FAM163A: variants seen among roughly 807,000 people sequenced by gnomAD.
FAM163A encodes family with sequence similarity 163 member A, also known as protein FAM163A.
In FAM163A, 7 loss-of-function variants were observed where a neutral mutation model predicts 12.0. The observed-to-expected ratio is 0.58, with a 90% confidence interval of 0.33 to 1.10. FAM163A has a LOEUF of 1.10. Ranked by LOEUF, FAM163A falls within the 50% of genes least tolerant of loss-of-function variation. The probability of loss-of-function intolerance (pLI) is 0.03; values close to 1 mark genes in which losing one functional copy is unlikely to be tolerated. For missense variants in FAM163A, 202 were observed against 218.6 expected (o/e 0.92, Z 0.48); for synonymous variants, 101 against 91.0 (o/e 1.11, Z -0.62).
At chr1:179,782,788 C>T (rs1383675292) in intron 1 of FAM163A, among the ~76,000 whole-genome samples, 1 of 152,210 alleles carries the variant, frequency 6.6e-6, no homozygotes, top group East Asian at 1.9e-4. Context: ...GCTGAGAAAA[C>T]TTGTCTGAGA....
intron 1 of FAM163A, among the ~76,000 whole-genome samples, chr1:179,749,552 T>C (rs1411775273): frequency 3.3e-5 from 5 of 152,172 alleles, no homozygotes; most frequent in Non-Finnish European, 7.3e-5. Context: ...TATTCATATA[T>C]TAAAATAACT....
At chr1:179,733,147 G>A in the FAM163A span, among the ~76,000 whole-genome samples, 2 of 152,112 alleles carry the variant, frequency 1.3e-5, no homozygotes, top group Non-Finnish European at 2.9e-5. Context: ...TATGCTTAGG[G>A]CATGGTGCCT....
chr1:179,758,572 T>A (rs1257053393), intron 1 of FAM163A, among the ~76,000 whole-genome samples: 1 of 152,202 alleles, frequency 6.6e-6, no homozygotes, highest in East Asian at 1.9e-4. Context: ...AGCTTCTTTG[T>A]CCACACAGAC....
chr1:179,735,122 C>T, the FAM163A span, among the ~76,000 whole-genome samples: 1 of 152,134 alleles, frequency 6.6e-6, no homozygotes, highest in African/African-American at 2.4e-5. Flanking sequence ...GCAGTTTTCA[C>T]TCAAAATAAG....
At chr1:179,789,484 G>A (rs1361878049) in intron 1 of FAM163A, among the ~76,000 whole-genome samples, 2 of 152,200 alleles carry the variant, frequency 1.3e-5, no homozygotes, top group Non-Finnish European at 2.9e-5. Context: ...CCCCGGCAGG[G>A]ATCAGATTCT....
chr1:179,745,327 A>G (rs1446748038), intron 1 of FAM163A, among the ~76,000 whole-genome samples: 2 of 150,988 alleles, frequency 1.3e-5, no homozygotes, highest in African/African-American at 2.5e-5. Flanking sequence ...GTTTGGCCCA[A>G]GAATCTCTGT....
At chr1:179,762,615 G>A (rs866218010) in intron 1 of FAM163A, among the ~76,000 whole-genome samples, 64 of 152,342 alleles carry the variant, frequency 4.2e-4, no homozygotes, top group African/African-American at 1.5e-3. Flanking sequence ...ATCAAGTGAA[G>A]AGCTGGTTTT....
chr1:179,792,804 G>A (rs973242652), intron 1 of FAM163A, among the ~76,000 whole-genome samples: 6 of 151,972 alleles, frequency 3.9e-5, no homozygotes, highest in African/African-American at 1.5e-4. Flanking sequence ...CTTTGTATTT[G>A]GTGCTGAGAT....
intron 1 of FAM163A, among the ~76,000 whole-genome samples, chr1:179,776,175 C>A (rs995417833): frequency 1.3e-5 from 2 of 152,058 alleles, no homozygotes; most frequent in Non-Finnish European, 2.9e-5. Flanking sequence ...CAGTGTAAAT[C>A]GTGGCCAGGA....
chr1:179,778,942 A>G (rs1246083683), intron 1 of FAM163A, among the ~76,000 whole-genome samples: 3 of 152,302 alleles, frequency 2.0e-5, no homozygotes, highest in South Asian at 2.1e-4. Flanking sequence ...AGGGAGGTTC[A>G]TAAGGAGAGG....
intron 1 of FAM163A, among the ~76,000 whole-genome samples, chr1:179,793,863 G>A (rs1489580237): frequency 2.6e-5 from 4 of 152,192 alleles, no homozygotes; most frequent in East Asian, 3.8e-4. Context: ...GGCTGTTGCC[G>A]GCCCAGGGCT....
chr1:179,747,622 T>C (rs1684677359), intron 1 of FAM163A, among the ~76,000 whole-genome samples: 1 of 152,190 alleles, frequency 6.6e-6, no homozygotes, highest in Admixed American at 6.5e-5. Flanking sequence ...CCCAGGCTCT[T>C]TGGTATCAAG....
At position 179,772,081 on chromosome 1, in the gene FAM163A, T is replaced by C. The variant is rs113698714; in HGVS notation, c.-136+28658T>C. 7.4e-4 allele frequency among the ~76,000 whole-genome samples: 112 copies of C among 152,266 alleles called. 1 individual carries two copies. Among genetic ancestry groups the C allele is most frequent in the African/African-American group, 2.6e-3 (110 of 41,532 alleles). On this transcript the variant is annotated intron_variant, in intron 1 of 4. Coordinates refer to ENST00000341785, the MANE Select transcript of FAM163A (RefSeq NM_173509.3). ...CCTGAACATCTCTCCTGCTCTTATT[T>C]TGCATTTCAATTTCACTGAATATCA...
chr1:179,778,326 A>G (rs72708628), intron 1 of FAM163A, among the ~76,000 whole-genome samples: 3,987 of 152,174 alleles, frequency 0.026, 73 homozygotes, highest in African/African-American at 0.044. Context: ...ATCAGGTGAA[A>G]ATGGGTGAGC....
chr1:179,749,649 C>T (rs1684988055), intron 1 of FAM163A, among the ~76,000 whole-genome samples: 2 of 152,094 alleles, frequency 1.3e-5, no homozygotes, highest in Non-Finnish European at 2.9e-5. Flanking sequence ...GTCAGGAGTT[C>T]GAGACCAGTC....
At chr1:179,769,907 T>C (rs941826382) in intron 1 of FAM163A, among the ~76,000 whole-genome samples, 1 of 140,002 alleles carries the variant, frequency 7.1e-6, no homozygotes, top group African/African-American at 2.7e-5. Context: ...ATTCTTTTTT[T>C]TTTTTTTTTT....
chr1:179,744,779 G>A (rs557860153), intron 1 of FAM163A, among the ~76,000 whole-genome samples: 1 of 152,196 alleles, frequency 6.6e-6, no homozygotes, highest in Non-Finnish European at 1.5e-5. Flanking sequence ...CGAGGGGGCC[G>A]CAGCGTGGCT....
chr1:179,764,920 A>G (rs1322838785), intron 1 of FAM163A, among the ~76,000 whole-genome samples: 5 of 152,242 alleles, frequency 3.3e-5, no homozygotes, highest in African/African-American at 9.6e-5. Context: ...TCTTTTACTT[A>G]AAATAGTGCC....
chr1:179,813,705 C>T (rs555224813), intron 4 of FAM163A, 74 bp from the exon 5 acceptor site: 2 of 1,549,808 alleles, frequency 1.3e-6, no homozygotes, highest in South Asian at 2.4e-5. Flanking sequence ...ACAGGGGCAC[C>T]TGTGCACGCT....
Sources: allele counts gnomAD v4.1 joint callset (sites outside exome capture counted in the v4.1 genomes callset), GRCh38; gene constraint gnomAD v4.1.1; transcripts MANE v1.5; gene names NCBI Gene and HGNC (gene_info 2026-07-23, HGNC 2026-07-21).